Variants in ZNF366 observed in about 807,000 individuals in gnomAD.
ZNF366 encodes dendritic cell-specific transcript protein.
A neutral mutation model predicts 47.2 loss-of-function variants in ZNF366; 20 were observed. The ratio of observed to expected loss-of-function variants is 0.42; its 90% CI spans 0.30 to 0.62. The LOEUF is 0.62. Among genes scored for constraint, ZNF366 ranks in the 20% least tolerant of loss-of-function variants. The pLI is 0.16. For missense variants in ZNF366, 987 were observed against 976.3 expected, an observed-to-expected ratio of 1.01 and a Z score of -0.15; for synonymous variants, 421 against 395.1, an observed-to-expected ratio of 1.07 and a Z score of -0.78.
intron 4 of ZNF366, among the ~76,000 whole-genome samples, chr5:72,446,518 A>T (rs1325815067): frequency 6.6e-6 from 1 of 152,138 alleles, no homozygotes; most frequent in Non-Finnish European, 1.5e-5. Flanking sequence ...CTGGAACATA[A>T]ACTCTTCACT....
chr5:72,474,942 T>G (rs1743643802), intron 1 of ZNF366, among the ~76,000 whole-genome samples: 1 of 152,208 alleles, frequency 6.6e-6, no homozygotes, highest in Admixed American at 6.5e-5. Context: ...TTTTTAAAAA[T>G]TTAATTAGAA....
intron 1 of ZNF366, among the ~76,000 whole-genome samples, chr5:72,490,309 G>A (rs1031936678): frequency 4.6e-5 from 7 of 152,060 alleles, no homozygotes; most frequent in East Asian, 1.9e-4. Context: ...AGAAAACCAC[G>A]TCTTTTGAGT....
At chr5:72,452,889 A>G (rs1326686574) in intron 3 of ZNF366, among the ~76,000 whole-genome samples, 2 of 152,214 alleles carry the variant, frequency 1.3e-5, no homozygotes, top group African/African-American at 4.8e-5. Context: ...AGAATCTGGG[A>G]AGCATATTTC....
chr5:72,469,118 G>T (rs911799605), intron 1 of ZNF366, among the ~76,000 whole-genome samples: 1 of 152,174 alleles, frequency 6.6e-6, no homozygotes. Flanking sequence ...CTGGTAGATA[G>T]TACCAGAAAA....
Position 72,461,356 on chromosome 5 carries a change from A to T in ZNF366, c.141T>A (p.Ala47=), listed in dbSNP as rs769602536. 6.2e-7 allele frequency: 1 copy of T among 1,613,774 alleles called. No homozygotes were observed. Among genetic ancestry groups the T allele is most frequent in the Non-Finnish European group, 8.5e-7 (1 of 1,179,932 alleles). Residue 47 remains alanine, a synonymous_variant, in exon 2 of 5, where the codon GCT becomes GCA. Transcript: ENST00000318442. ...KAPQRHPFPE[A]LRGPFSQFRY... ...GAAACTGGGAAAATGGCCCTCGGAG[A>T]GCTTCCGGGAAGGGGTGTCTTTGGG... is the stretch of plus-strand genomic sequence containing the variant.
chr5:72,456,000 A>T (rs1481704569), intron 3 of ZNF366, among the ~76,000 whole-genome samples: 1 of 152,076 alleles, frequency 6.6e-6, no homozygotes, highest in African/African-American at 2.4e-5. Flanking sequence ...AGCTTCTCTG[A>T]CTCTTTTCTA....
At position 72,461,437 on chromosome 5, in the gene ZNF366, C is replaced by A; in HGVS notation, c.60G>T (p.Lys20Asn). The A allele has an allele frequency of 3.7e-6, 6 of 1,604,382 alleles. No homozygotes were observed. Among genetic ancestry groups the A allele is most frequent in the Non-Finnish European group, 5.1e-6 (6 of 1,173,030 alleles). ...GGCAGTGGGGAAAGGAGGGGGTCTT[C>A]TTCACAGCCAAGTCGAAATGCACAT... ...DEDVHFDLAV[K>N]KTPSFPHCLQ... is the part of the protein sequence containing the mutation. Residue 20 changes from lysine to asparagine, a missense_variant, in exon 2 of 5, where the codon AAG becomes AAT. By Grantham distance (94) the Lys-to-Asn change is moderately conservative. Coordinates refer to ENST00000318442, the MANE Select transcript of ZNF366 (RefSeq NM_152625.3).
At chr5:72,475,048 G>T (rs1267687026) in intron 1 of ZNF366, among the ~76,000 whole-genome samples, 1 of 152,180 alleles carries the variant, frequency 6.6e-6, no homozygotes, top group African/African-American at 2.4e-5. Context: ...CTTTATAAAA[G>T]CCTATGAGGT....
chr5:72,475,841 T>C (rs1280869135), intron 1 of ZNF366, among the ~76,000 whole-genome samples: 1 of 152,126 alleles, frequency 6.6e-6, no homozygotes, highest in East Asian at 1.9e-4. Context: ...AGGCTCTCAT[T>C]GTCCATCAGC....
chr5:72,451,892 C>T (rs1743078312), intron 3 of ZNF366, among the ~76,000 whole-genome samples: 1 of 152,236 alleles, frequency 6.6e-6, no homozygotes, highest in South Asian at 2.1e-4. Flanking sequence ...GCCTCCTCGT[C>T]CCGGCCTCCT....
chr5:72,460,864 A>G lies in ZNF366; in HGVS notation c.633T>C (p.Pro211=). The change falls in exon 2 of 5, where the codon CCT becomes CCC. Residue 211 remains proline (P), a synonymous_variant. Coordinates refer to ENST00000318442, the MANE Select transcript of ZNF366 (RefSeq NM_152625.3). ...HTFLPKQPPE[P]LLPRKAEPQE... Reference sequence around the variant, plus strand: ...GGGGCTCGGCTTTCCGGGGCAGCAGAGGTTCCGGGGGCTGCTTGGGCAGGA... The same window carrying G: ...GGGGCTCGGCTTTCCGGGGCAGCAGGGGTTCCGGGGGCTGCTTGGGCAGGA... The G allele has an allele frequency of 6.2e-7, 1 of 1,613,880 alleles. No homozygotes were observed. The highest frequency in any genetic ancestry group is 2.2e-5 in the East Asian group (1 of 44,854).
Position 72,504,445 on chromosome 5 carries a change from C to T in ZNF366, c.-15+2806G>A, listed in dbSNP as rs142846417. On this transcript the variant is annotated intron_variant, in intron 1 of 4. Transcript: ENST00000318442. ...TCATCTAAGTTGAAAACTTTTATCCCGAGACAAACTTTCCCCTGCATTGAG... is the reference window on the plus strand; with the variant it reads ...TCATCTAAGTTGAAAACTTTTATCCTGAGACAAACTTTCCCCTGCATTGAG... Among the ~76,000 whole-genome samples the T allele has an allele frequency of 3.4e-3, 522 of 152,240 alleles. 4 individuals carry two copies. Among genetic ancestry groups the T allele is most frequent in the African/African-American group, 0.011 (437 of 41,570 alleles).
chr5:72,499,515 C>T (rs1048516235), intron 1 of ZNF366, among the ~76,000 whole-genome samples: 13 of 136,290 alleles, frequency 9.5e-5, no homozygotes, highest in African/African-American at 1.4e-4. Context: ...GACGGAGTCT[C>T]GCTCTGTCAC....
rs371617717 is a variant in ZNF366, at chr5:72,476,934, A to AT, written c.-14-15425dup. ...TACTTCTGAAAGGTCGGGCTGTGGG[A>AT]TTTTTTTTTTTCACTTCTGTCTTGG... On this transcript the variant is annotated intron_variant, in intron 1 of 4. Transcript: ENST00000318442. Among the ~76,000 whole-genome samples, 1,188 of 147,202 alleles carry AT rather than the reference A, an allele frequency of 8.1e-3. 13 individuals are homozygous for AT. The highest frequency in any genetic ancestry group is 0.027 in the African/African-American group (1,097 of 40,266).
intron 1 of ZNF366, among the ~76,000 whole-genome samples, chr5:72,492,656 C>A (rs975712275): frequency 1.4e-4 from 21 of 152,118 alleles, no homozygotes; most frequent in Non-Finnish European, 1.0e-4. Context: ...TGTAGTAAAC[C>A]AAATAGCTAT....
chr5:72,506,512 T>C (rs1483536149), intron 1 of ZNF366, among the ~76,000 whole-genome samples: 2 of 152,238 alleles, frequency 1.3e-5, no homozygotes, highest in African/African-American at 2.4e-5. Flanking sequence ...TTTTCCCTCC[T>C]ACTGACATAA....
At chr5:72,504,075 ACACACATGCGCGCG>A (rs1484207226) in intron 1 of ZNF366, among the ~76,000 whole-genome samples, 3 of 151,926 alleles carry the variant, frequency 2.0e-5, no homozygotes, top group Admixed American at 6.6e-5. Context: ...ACGCACGCAC[ACACACATGCGCGCG>A]CACACACGCG....
chr5:72,471,321 G>T (rs909947147), intron 1 of ZNF366, among the ~76,000 whole-genome samples: 10 of 152,120 alleles, frequency 6.6e-5, no homozygotes, highest in African/African-American at 2.4e-4. Flanking sequence ...CATTTTTATT[G>T]TTCCAAGTCT....
intron 1 of ZNF366, among the ~76,000 whole-genome samples, chr5:72,481,107 C>T (rs982068475): frequency 1.2e-4 from 19 of 152,022 alleles, no homozygotes; most frequent in African/African-American, 4.1e-4. Flanking sequence ...AAATAACAGC[C>T]GTAATAAAAA....
Sources: allele counts gnomAD v4.1 joint callset (sites outside exome capture counted in the v4.1 genomes callset), GRCh38; gene constraint gnomAD v4.1.1; transcripts MANE v1.5; gene names NCBI Gene and HGNC (gene_info 2026-07-23, HGNC 2026-07-21).